APBA2: variants seen among roughly 807,000 people sequenced by gnomAD.
APBA2 encodes the protein amyloid-beta A4 precursor protein-binding family A member 2.
APBA2 carries 30 observed loss-of-function variants against 75.0 expected under a neutral mutation model. The ratio of observed to expected loss-of-function variants is 0.40; its 90% CI spans 0.30 to 0.54. The LOEUF is 0.54. Among genes scored for constraint, APBA2 ranks in the 20% least tolerant of loss-of-function variants. APBA2 has a pLI of 0.49. For synonymous variants in APBA2, 444 were observed against 409.6 expected, an observed-to-expected ratio of 1.08 and a Z score of -1.01; for missense variants, 801 against 1,016.1, an observed-to-expected ratio of 0.79 and a Z score of 2.88.
intron 8 of APBA2, among the ~76,000 whole-genome samples, chr15:29,095,457 C>T (rs1040792150): frequency 6.6e-6 from 1 of 152,078 alleles, no homozygotes; most frequent in Non-Finnish European, 1.5e-5. Flanking sequence ...GGATTGACAT[C>T]GAGTCATTTG....
chr15:29,090,474 G>A (rs2043506715), intron 6 of APBA2, among the ~76,000 whole-genome samples: 1 of 152,226 alleles, frequency 6.6e-6, no homozygotes, highest in Non-Finnish European at 1.5e-5. Context: ...GGGGGCTGGC[G>A]AGGGAGAAGC....
chr15:29,091,911 G>A (rs1327834471), intron 6 of APBA2, among the ~76,000 whole-genome samples: 2 of 152,196 alleles, frequency 1.3e-5, no homozygotes, highest in African/African-American at 4.8e-5. Context: ...GGAGCAGGAG[G>A]GGAGCCAGGA....
intron 2 of APBA2, among the ~76,000 whole-genome samples, chr15:28,970,850 T>C (rs2037027786): frequency 6.6e-6 from 1 of 152,044 alleles, no homozygotes; most frequent in African/African-American, 2.4e-5. Flanking sequence ...AGTCCCCACC[T>C]GCCAGTCTCA....
At chr15:29,013,560 C>T (rs567201187) in intron 3 of APBA2, among the ~76,000 whole-genome samples, 4 of 152,186 alleles carry the variant, frequency 2.6e-5, no homozygotes, top group African/African-American at 4.8e-5. Flanking sequence ...GGATTACAGG[C>T]GTGAGCCACC....
chr15:29,047,710 G>T (rs1213987755), intron 3 of APBA2, among the ~76,000 whole-genome samples: 1 of 152,146 alleles, frequency 6.6e-6, no homozygotes, highest in East Asian at 1.9e-4. Context: ...ATGACCACAT[G>T]CCGGAAAGGG....
chr15:29,080,943 C>A (rs1566983281), intron 6 of APBA2, among the ~76,000 whole-genome samples: 2 of 152,138 alleles, frequency 1.3e-5, no homozygotes, highest in African/African-American at 2.4e-5. Context: ...CAGCTTGAGG[C>A]TTATGCCAAA....
At chr15:28,955,913 G>T (rs934420077) in intron 2 of APBA2, among the ~76,000 whole-genome samples, 1 of 152,214 alleles carries the variant, frequency 6.6e-6, no homozygotes, top group Non-Finnish European at 1.5e-5. Context: ...GCTCCTGCAG[G>T]CAGGGCCGTG....
intron 8 of APBA2, among the ~76,000 whole-genome samples, chr15:29,097,320 G>A (rs1269594176): frequency 2.0e-5 from 3 of 152,252 alleles, no homozygotes; most frequent in Admixed American, 6.5e-5. Context: ...GGGCTGTGGC[G>A]ACAGACCCAG....
chr15:28,955,497 T>A (rs2152728977), intron 2 of APBA2, among the ~76,000 whole-genome samples: 1 of 152,336 alleles, frequency 6.6e-6, no homozygotes, highest in East Asian at 1.9e-4. Context: ...ATTGTACCAT[T>A]GTAGCTTATT....
chr15:29,101,139 C>T (rs1430335719), intron 9 of APBA2, among the ~76,000 whole-genome samples: 1 of 151,910 alleles, frequency 6.6e-6, no homozygotes, highest in South Asian at 2.1e-4. Flanking sequence ...GTGCACATGA[C>T]AGCCCTCCAC....
At position 28,986,850 on chromosome 15, in the gene APBA2, C is replaced by T. The variant is rs143711861; in HGVS notation, c.-94-8903C>T. Among the ~76,000 whole-genome samples the T allele has an allele frequency of 3.5e-3, 539 of 152,318 alleles. 3 individuals carry two copies. The highest frequency in any genetic ancestry group is 0.01 in the Middle Eastern group (3 of 294). ...GGTTACTGTAACAAAATACCATAAA[C>T]TAGGTGGTTTACAAACAACAGACAT... On this transcript the variant is annotated intron_variant, in intron 2 of 14. Transcript: ENST00000683413.
intron 11 of APBA2, among the ~76,000 whole-genome samples, chr15:29,106,341 G>A (rs1338824218): frequency 2.6e-5 from 4 of 151,696 alleles, no homozygotes; most frequent in South Asian, 2.1e-4. Context: ...TGCCAGGCAC[G>A]GGTGGGGATA....
chr15:28,960,171 C>T (rs1426357267), intron 2 of APBA2, among the ~76,000 whole-genome samples: 1 of 127,962 alleles, frequency 7.8e-6, no homozygotes, highest in Non-Finnish European at 1.7e-5. Context: ...AAAAAAAAGA[C>T]ACTTTGAGAC....
In APBA2 at chr15:29,105,511, TACA is replaced by T. The variant is rs2044352829; in HGVS notation, c.1660_1662del (p.Asn554del). Reference sequence around the variant, plus strand: ...CGACATCATCAACACCCAGGAGATGTACAACGACGACCTCATCCACTTCTCAAA... The same window carrying T: ...CGACATCATCAACACCCAGGAGATGTACGACGACCTCATCCACTTCTCAAA... On this transcript the variant is annotated inframe_deletion, in exon 11 of 15. Transcript: ENST00000683413. 1 of 1,613,760 alleles carries T rather than the reference TACA, an allele frequency of 6.2e-7. No individual in the cohort carries two copies. The highest frequency in any genetic ancestry group is 1.7e-5 in the Admixed American group (1 of 60,006).
At chr15:29,003,666 G>A (rs1295645632) in intron 3 of APBA2, among the ~76,000 whole-genome samples, 4 of 152,344 alleles carry the variant, frequency 2.6e-5, no homozygotes, top group Middle Eastern at 3.4e-3. Context: ...ATCTGCACAC[G>A]TGGTTTTGGG....
At chr15:29,014,543 C>T (rs1016685689) in intron 3 of APBA2, among the ~76,000 whole-genome samples, 1 of 152,272 alleles carries the variant, frequency 6.6e-6, no homozygotes, top group East Asian at 1.9e-4. Flanking sequence ...CTCTATTGGA[C>T]TAACCATGTT....
chr15:29,092,445 G>A (rs1004991756), intron 6 of APBA2, among the ~76,000 whole-genome samples: 1 of 152,198 alleles, frequency 6.6e-6, no homozygotes, highest in African/African-American at 2.4e-5. Flanking sequence ...AGTGCTCAAA[G>A]CCACATGTGG....
rs1170199534 is a variant in APBA2, at chr15:28,886,276, C to T, written c.-207C>T. ...TACCCGGGCAGCCCAGCGCCCTGGCCAGGTAAGCTGGGGAACCTGGGCTGC... is the reference window on the plus strand; with the variant it reads ...TACCCGGGCAGCCCAGCGCCCTGGCTAGGTAAGCTGGGGAACCTGGGCTGC... On this transcript the variant is annotated splice_region_variant and 5_prime_UTR_variant, in exon 1 of 15. Transcript: ENST00000683413. The T allele has an allele frequency of 2.0e-5, 3 of 150,888 alleles. No individual in the cohort carries two copies. Among genetic ancestry groups the T allele is most frequent in the Non-Finnish European group, 4.4e-5 (3 of 67,546 alleles). 9.3% of individuals were successfully genotyped at this position (150,888 alleles called of 1,614,324 possible).
At chr15:29,086,015 T>C (rs966034395) in intron 6 of APBA2, among the ~76,000 whole-genome samples, 3 of 152,138 alleles carry the variant, frequency 2.0e-5, no homozygotes, top group South Asian at 2.1e-4. Context: ...TTCTATTGAA[T>C]AGAATATGGT....
Sources: allele counts gnomAD v4.1 joint callset (sites outside exome capture counted in the v4.1 genomes callset), GRCh38; gene constraint gnomAD v4.1.1; transcripts MANE v1.5; gene names NCBI Gene and HGNC (gene_info 2026-07-23, HGNC 2026-07-21).